DCC: variants seen among roughly 807,000 people sequenced by gnomAD.
The protein encoded by DCC is netrin receptor DCC.
Under a neutral mutation model 172.5 loss-of-function variants are expected in DCC, and 58 were observed. The ratio of observed to expected loss-of-function variants is 0.34; its 90% CI spans 0.27 to 0.42. DCC has a LOEUF of 0.42. Among genes scored for constraint, DCC ranks in the 10% least tolerant of loss-of-function variants. DCC has a pLI of 1.00. For synonymous variants in DCC, 709 were observed against 644.5 expected, an observed-to-expected ratio of 1.10 and a Z score of -1.52; for missense variants, 1,740 against 1,791.0, an observed-to-expected ratio of 0.97 and a Z score of 0.51.
chr18:52,791,481 T>C (rs1343413792), intron 2 of DCC, among the ~76,000 whole-genome samples: 1 of 139,322 alleles, frequency 7.2e-6, no homozygotes, highest in Non-Finnish European at 1.6e-5. Context: ...TGTTTTTTTT[T>C]TGTTTTTTTC....
At chr18:53,211,802 C>G (rs1031804657) in intron 11 of DCC, among the ~76,000 whole-genome samples, 1 of 152,182 alleles carries the variant, frequency 6.6e-6, no homozygotes, top group African/African-American at 2.4e-5. Flanking sequence ...AATCCCAGAA[C>G]TTTGGGAAGC....
At chr18:52,602,916 C>A (rs1205741808) in intron 1 of DCC, among the ~76,000 whole-genome samples, 1 of 152,050 alleles carries the variant, frequency 6.6e-6, no homozygotes, top group Non-Finnish European at 1.5e-5. Flanking sequence ...GTTGGAAATA[C>A]TGCTGCCTGA....
intron 16 of DCC, among the ~76,000 whole-genome samples, chr18:53,390,247 C>CTCTT (rs1241912651): frequency 1.0e-5 from 1 of 97,322 alleles, no homozygotes; most frequent in Non-Finnish European, 2.7e-5. Context: ...AACTCTCTTT[C>CTCTT]TCTTTCTCTC....
At chr18:52,757,278 C>A (rs1355921382) in intron 2 of DCC, 1 of 152,192 alleles carries the variant, frequency 6.6e-6, no homozygotes, top group South Asian at 2.1e-4. Flanking sequence ...TTCTTAATGG[C>A]TTTTCAACTG....
chr18:53,287,543 A>T (rs2056950556), intron 12 of DCC, among the ~76,000 whole-genome samples: 1 of 152,054 alleles, frequency 6.6e-6, no homozygotes, highest in Non-Finnish European at 1.5e-5. Flanking sequence ...TCTATTTTTA[A>T]CCTTTTGAGG....
chr18:52,475,997 T>C (rs1231375115), intron 1 of DCC, among the ~76,000 whole-genome samples: 2 of 152,254 alleles, frequency 1.3e-5, no homozygotes, highest in East Asian at 1.9e-4. Flanking sequence ...CTGCATGCAC[T>C]ATTTTGGAAA....
chr18:52,879,412 C>CCTTTTTTTTTTT (rs2039447955), intron 2 of DCC, among the ~76,000 whole-genome samples: 6 of 62,354 alleles, frequency 9.6e-5, no homozygotes, highest in African/African-American at 2.1e-4. Flanking sequence ...TGTTGTTTGG[C>CCTTTTTTTTTTT]TTTTTTTTTT....
intron 1 of DCC, among the ~76,000 whole-genome samples, chr18:52,345,801 T>C (rs1272388735): frequency 6.7e-6 from 1 of 150,334 alleles, no homozygotes; most frequent in African/African-American, 2.4e-5. Flanking sequence ...AGAGTTAAAC[T>C]GTACTCTAAA....
At chr18:52,967,223 A>G (rs1015654628) in intron 5 of DCC, among the ~76,000 whole-genome samples, 2 of 152,180 alleles carry the variant, frequency 1.3e-5, no homozygotes, top group Admixed American at 6.5e-5. Context: ...TAACCATTTT[A>G]TATATAAGTC....
intron 27 of DCC, among the ~76,000 whole-genome samples, chr18:53,500,252 A>T (rs2046080429): frequency 6.6e-6 from 1 of 152,092 alleles, no homozygotes. Flanking sequence ...GGAGGAGAGG[A>T]GGAAAAGAAG....
At chr18:53,074,429 G>C (rs1418567055) in intron 7 of DCC, among the ~76,000 whole-genome samples, 1 of 152,104 alleles carries the variant, frequency 6.6e-6, no homozygotes, top group African/African-American at 2.4e-5. Context: ...TGATATTATA[G>C]CTCATAAGCT....
chr18:53,466,472 T>C (rs1436825575), intron 24 of DCC, among the ~76,000 whole-genome samples: 1 of 152,210 alleles, frequency 6.6e-6, no homozygotes, highest in South Asian at 2.1e-4. Flanking sequence ...ATTTGAAATG[T>C]ATCCTCTTTT....
chr18:53,393,521 G>A (rs1028125701), intron 17 of DCC, among the ~76,000 whole-genome samples: 13 of 152,116 alleles, frequency 8.5e-5, no homozygotes, highest in African/African-American at 1.7e-4. Flanking sequence ...AAACATATGA[G>A]ACCATTAAAG....
chr18:52,352,559 A>G (rs1461089387), intron 1 of DCC, among the ~76,000 whole-genome samples: 1 of 152,128 alleles, frequency 6.6e-6, no homozygotes, highest in Non-Finnish European at 1.5e-5. Flanking sequence ...TCCCTGGTTG[A>G]CCATGTCCAT....
At chr18:52,879,503 A>G (rs1568164418) in intron 2 of DCC, among the ~76,000 whole-genome samples, 1 of 139,842 alleles carries the variant, frequency 7.2e-6, no homozygotes, top group Non-Finnish European at 1.5e-5. Flanking sequence ...GGCTCACTGC[A>G]ACCTCCACCT....
chr18:52,849,987 A>G (rs926020840), intron 2 of DCC, among the ~76,000 whole-genome samples: 1 of 152,188 alleles, frequency 6.6e-6, no homozygotes, highest in African/African-American at 2.4e-5. Context: ...GGTAAAATAA[A>G]ATTGGAAGCA....
intron 3 of DCC, among the ~76,000 whole-genome samples, chr18:52,922,196 TG>T (rs1372984037): frequency 6.6e-6 from 1 of 152,198 alleles, no homozygotes; most frequent in Non-Finnish European, 1.5e-5. Context: ...TATTTATTTT[TG>T]TTGCTGGAAC....
At chr18:52,653,700 A>G (rs957612027) in intron 1 of DCC, among the ~76,000 whole-genome samples, 3 of 152,120 alleles carry the variant, frequency 2.0e-5, no homozygotes, top group Non-Finnish European at 2.9e-5. Flanking sequence ...TGACTTTCTG[A>G]TCATTTAGTT....
intron 2 of DCC, among the ~76,000 whole-genome samples, chr18:52,766,984 T>C (rs766958889): frequency 4.6e-5 from 7 of 151,712 alleles, no homozygotes; most frequent in African/African-American, 9.7e-5. Context: ...TTGCAGCAAA[T>C]AGGAAGAGAG....
Sources: gnomAD v4.1 joint callset for allele counts (sites outside exome capture counted in the v4.1 genomes callset) on GRCh38, gnomAD v4.1.1 for gene constraint, MANE v1.5 for transcripts, NCBI Gene and HGNC (gene_info 2026-07-23, HGNC 2026-07-21) for gene names.